The following RYR3 variants were observed in gnomAD, a reference collection of about 807,000 sequenced individuals.
The protein encoded by RYR3 is ryanodine receptor 3.
A neutral mutation model predicts 584.3 loss-of-function variants in RYR3; 207 were observed. That is an observed-to-expected ratio of 0.35 (90% CI 0.32 to 0.40). The LOEUF is 0.40. Among genes scored for constraint, RYR3 ranks in the 10% least tolerant of loss-of-function variants. The pLI is 1.00. For missense variants in RYR3, 5,616 were observed against 6,089.2 expected (o/e 0.92, Z 2.59); for synonymous variants, 2,416 against 2,248.5 (o/e 1.07, Z -2.11).
chr15:33,543,983 T>C (rs541088000), intron 8 of RYR3, among the ~76,000 whole-genome samples: 1 of 152,308 alleles, frequency 6.6e-6, no homozygotes, highest in Non-Finnish European at 1.5e-5. Context: ...AAACAAATTA[T>C]TCACCAGGCT....
intron 65 of RYR3, 46 bp downstream of exon 65, chr15:33,780,387 G>A (rs1415113052): frequency 1.3e-6 from 2 of 1,598,506 alleles, no homozygotes; most frequent in East Asian, 2.2e-5. Context: ...CATGTGCTGA[G>A]AGGAGAGGAG....
At chr15:33,566,845 G>A (rs765569993) in intron 12 of RYR3, 46 bp downstream of exon 12, 1 of 1,608,858 alleles carries the variant, frequency 6.2e-7, no homozygotes, top group Non-Finnish European at 8.5e-7. Flanking sequence ...TTGACTCTGT[G>A]GCCTGCCAAC....
At chr15:33,755,965 G>T (rs2071778256) in intron 58 of RYR3, among the ~76,000 whole-genome samples, 1 of 152,020 alleles carries the variant, frequency 6.6e-6, no homozygotes, top group Non-Finnish European at 1.5e-5. Flanking sequence ...GTAGAGATGG[G>T]GTTTCACCAT....
At chr15:33,628,366 C>A in intron 20 of RYR3, 105 bp from the exon 21 acceptor site, 2 of 718,858 alleles carry the variant, frequency 2.8e-6, no homozygotes, top group Non-Finnish European at 2.4e-6. Flanking sequence ...GATACTGCAG[C>A]TCCTCCTGGG....
chr15:33,863,482 G>T (rs77327859), intron 102 of RYR3, among the ~76,000 whole-genome samples: 5,860 of 152,096 alleles, frequency 0.039, 173 homozygotes, highest in Non-Finnish European at 0.039. Flanking sequence ...ATCCTTTTCC[G>T]GAAGGGCAAG....
chr15:33,464,750 C>G (rs1253656406), intron 1 of RYR3, among the ~76,000 whole-genome samples: 1 of 151,804 alleles, frequency 6.6e-6, no homozygotes, highest in Non-Finnish European at 1.5e-5. Context: ...TGTGATAACA[C>G]TGAAGCTCCA....
intron 60 of RYR3, among the ~76,000 whole-genome samples, chr15:33,761,843 G>A (rs1429457697): frequency 2.0e-5 from 3 of 152,070 alleles, no homozygotes; most frequent in African/African-American, 7.2e-5. Context: ...GATGAACATC[G>A]ATGCGAAAAT....
chr15:33,436,667 ATT>A (rs34244710), intron 1 of RYR3, among the ~76,000 whole-genome samples: 6 of 149,096 alleles, frequency 4.0e-5, no homozygotes, highest in African/African-American at 1.2e-4. Context: ...CGCCAGGCTA[ATT>A]TTTTTTTTGT....
intron 1 of RYR3, among the ~76,000 whole-genome samples, chr15:33,404,313 T>C (rs529204917): frequency 6.6e-6 from 1 of 152,198 alleles, no homozygotes; most frequent in Non-Finnish European, 1.5e-5. Context: ...TTACAATGAT[T>C]CTAAACGATA....
chr15:33,724,080 T>C lies in RYR3; in HGVS notation c.6816T>C (p.Asp2272=), dbSNP rs370902899. ...GTTCTCTCAGCAGCACGGGGGACGA[T>C]GAAGAGGAAGAAGAAATCGTGCATA... The part of the protein sequence containing the change: ...GYKREVSTGD[D]EEEEEIVHMG... Residue 2272 remains aspartate, a synonymous_variant, in exon 45 of 104, where the codon GAT becomes GAC. Coordinates refer to ENST00000634891, the MANE Select transcript of RYR3 (RefSeq NM_001036.6). The C allele has an allele frequency of 5.6e-6, 9 of 1,608,496 alleles. No homozygotes were observed. Among genetic ancestry groups the C allele is most frequent in the Non-Finnish European group, 7.7e-6 (9 of 1,175,032 alleles).
intron 46 of RYR3, 105 bp from the exon 47 acceptor site, chr15:33,728,752 T>C (rs2068678648): frequency 3.8e-6 from 4 of 1,041,044 alleles, no homozygotes; most frequent in Non-Finnish European, 5.2e-6. Context: ...CCAAAAATTC[T>C]TGTCCCTTAT....
At chr15:33,807,246 C>T (rs113404552) in intron 69 of RYR3, among the ~76,000 whole-genome samples, 3 of 152,250 alleles carry the variant, frequency 2.0e-5, no homozygotes, top group African/African-American at 7.2e-5. Flanking sequence ...TCTGGCCACC[C>T]ACAAGAACTC....
At chr15:33,810,278 G>T (rs2076450208) in intron 70 of RYR3, among the ~76,000 whole-genome samples, 1 of 152,218 alleles carries the variant, frequency 6.6e-6, no homozygotes, top group Non-Finnish European at 1.5e-5. Flanking sequence ...CGCAGAAGGA[G>T]AAGGCTCAGG....
At chr15:33,688,769 T>C (rs540746438) in intron 38 of RYR3, among the ~76,000 whole-genome samples, 30 of 152,242 alleles carry the variant, frequency 2.0e-4, no homozygotes, top group Admixed American at 6.5e-4. Flanking sequence ...GCTTTTACAC[T>C]GTTGGTGGAA....
At chr15:33,815,594 A>G (rs890359719) in intron 74 of RYR3, among the ~76,000 whole-genome samples, 11 of 152,202 alleles carry the variant, frequency 7.2e-5, no homozygotes, top group African/African-American at 2.4e-4. Context: ...ATGAAGCATG[A>G]CCGTCCCTAA....
chr15:33,319,010 C>T (rs1041841137), intron 1 of RYR3, among the ~76,000 whole-genome samples: 1 of 152,188 alleles, frequency 6.6e-6, no homozygotes, highest in Non-Finnish European at 1.5e-5. Context: ...AGCTGCTTAT[C>T]CCCTAACAGA....
chr15:33,652,972 C>A, intron 32 of RYR3, 89 bp downstream of exon 32: 1 of 1,355,596 alleles, frequency 7.4e-7, no homozygotes, highest in African/African-American at 1.5e-5. Context: ...AGCATTCCTG[C>A]CACAGTGTGT....
chr15:33,822,883 T>C (rs1567246662), intron 80 of RYR3, 113 bp from the exon 81 acceptor site: 1 of 745,992 alleles, frequency 1.3e-6, no homozygotes, highest in Non-Finnish European at 2.2e-6. Context: ...TCTGATTCCA[T>C]AAGCAGAGCG....
At chr15:33,586,442 C>G (rs1384816219) in intron 16 of RYR3, among the ~76,000 whole-genome samples, 1 of 152,110 alleles carries the variant, frequency 6.6e-6, no homozygotes, top group Non-Finnish European at 1.5e-5. Flanking sequence ...CCCTAGGATC[C>G]AGGAACTTCG....
Sources: allele counts gnomAD v4.1 joint callset (sites outside exome capture counted in the v4.1 genomes callset), GRCh38; gene constraint gnomAD v4.1.1; transcripts MANE v1.5; gene names NCBI Gene and HGNC (gene_info 2026-07-23, HGNC 2026-07-21).